THSD4: variants seen among roughly 807,000 people sequenced by gnomAD.
THSD4 encodes the protein thrombospondin type-1 domain-containing protein 4.
Under a neutral mutation model 119.0 loss-of-function variants are expected in THSD4, and 69 were observed. That is an observed-to-expected ratio of 0.58 (90% CI 0.48 to 0.71). The LOEUF is 0.71. THSD4 is among the 30% of genes least tolerant of loss of function. THSD4 has a pLI of 0.00. For synonymous variants in THSD4, 524 were observed against 540.4 expected (o/e 0.97, Z 0.42); for missense variants, 1,393 against 1,391.1 (o/e 1.00, Z -0.02).
intron 8 of THSD4, among the ~76,000 whole-genome samples, chr15:71,717,278 G>A (rs1438040089): frequency 1.3e-5 from 2 of 152,202 alleles, no homozygotes; most frequent in Non-Finnish European, 2.9e-5. Context: ...ACTGAGGTAG[G>A]TGAATGCCAT....
intron 7 of THSD4, among the ~76,000 whole-genome samples, chr15:71,518,879 T>C (rs1291844271): frequency 1.3e-5 from 2 of 152,070 alleles, no homozygotes; most frequent in Non-Finnish European, 2.9e-5. Flanking sequence ...GATTCCACAA[T>C]GAACAATAAA....
At chr15:71,209,856 C>T (rs145979420) in intron 3 of THSD4, among the ~76,000 whole-genome samples, 10 of 152,168 alleles carry the variant, frequency 6.6e-5, no homozygotes, top group African/African-American at 1.2e-4. Flanking sequence ...GTAAATTTCA[C>T]GAGAGCTGAT....
At chr15:71,305,062 G>A (rs553438909) in intron 6 of THSD4, among the ~76,000 whole-genome samples, 1 of 152,226 alleles carries the variant, frequency 6.6e-6, no homozygotes, top group Non-Finnish European at 1.5e-5. Context: ...CTGGTGAAAA[G>A]TGGGTACGTT....
At chr15:71,445,689 G>A (rs2047171314) in intron 7 of THSD4, among the ~76,000 whole-genome samples, 1 of 152,202 alleles carries the variant, frequency 6.6e-6, no homozygotes, top group African/African-American at 2.4e-5. Flanking sequence ...AAAGTAGACA[G>A]CTGAGTACCC....
intron 6 of THSD4, among the ~76,000 whole-genome samples, chr15:71,314,434 G>A (rs1308552757): frequency 6.6e-6 from 1 of 152,044 alleles, no homozygotes; most frequent in African/African-American, 2.4e-5. Flanking sequence ...AGCCTCCCAG[G>A]TAGCTGGGAT....
At chr15:71,468,223 G>C (rs1036216025) in intron 7 of THSD4, among the ~76,000 whole-genome samples, 1 of 152,184 alleles carries the variant, frequency 6.6e-6, no homozygotes, top group African/African-American at 2.4e-5. Context: ...GATGTGTCTT[G>C]CTTCCCCTTC....
At chr15:71,735,809 T>C (rs2053081264) in intron 10 of THSD4, among the ~76,000 whole-genome samples, 1 of 151,868 alleles carries the variant, frequency 6.6e-6, no homozygotes, top group African/African-American at 2.4e-5. Flanking sequence ...GCTTTCTGTC[T>C]CTATCTCTCT....
At position 71,747,165 on chromosome 15, in the gene THSD4, G is replaced by C. The variant is rs569086032; in HGVS notation, c.2241+123G>C. On this transcript the variant is annotated intron_variant, in intron 13 of 17. Transcript: ENST00000261862. ...TCCACAGGAGGGAACCCGTCCCGTGGGGGTCTGGACGGCTGTTTTTGCAAA... is the reference window on the plus strand; with the variant it reads ...TCCACAGGAGGGAACCCGTCCCGTGCGGGTCTGGACGGCTGTTTTTGCAAA... 485 of 1,183,044 alleles carry C rather than the reference G, an allele frequency of 4.1e-4. 6 individuals carry two copies. The South Asian group carries it at 6.6e-3, about 16-fold the overall frequency. The allele number at this position is 1,183,044 out of a possible 1,614,324, so 73.3% of individuals were successfully genotyped here.
intron 7 of THSD4, among the ~76,000 whole-genome samples, chr15:71,504,443 C>T (rs2048159713): frequency 6.6e-6 from 1 of 152,028 alleles, no homozygotes; most frequent in Admixed American, 6.5e-5. Flanking sequence ...TTAGAAGAAA[C>T]CATTTCAGAA....
rs1347797959 is a variant in THSD4, at chr15:71,778,190, C to T, written c.*816C>T. ...TGCTGCTTCATTTCTGACCAAGAGA[C>T]TGAGAAGTTTCCCAGAATGCAAACA... On this transcript the variant is annotated 3_prime_UTR_variant, in exon 18 of 18. Coordinates refer to ENST00000261862, the MANE Select transcript of THSD4 (RefSeq NM_024817.3). 6.6e-6 allele frequency: 1 copy of T among 152,272 alleles called. No homozygotes were observed. The highest frequency in any genetic ancestry group is 1.5e-5 in the Non-Finnish European group (1 of 68,106). 9.4% of individuals were successfully genotyped at this position (152,272 alleles called of 1,614,324 possible).
At chr15:71,422,961 G>A (rs920349841) in intron 7 of THSD4, among the ~76,000 whole-genome samples, 27 of 152,126 alleles carry the variant, frequency 1.8e-4, no homozygotes, top group Non-Finnish European at 3.7e-4. Context: ...TGTCCCCGTG[G>A]CCACCACCTC....
chr15:71,635,863 G>A (rs1595812866), intron 7 of THSD4, among the ~76,000 whole-genome samples: 1 of 152,164 alleles, frequency 6.6e-6, no homozygotes, highest in Non-Finnish European at 1.5e-5. Context: ...TGAAAACTTA[G>A]ATGTTATCAT....
chr15:71,555,325 C>A (rs908324809), intron 7 of THSD4, among the ~76,000 whole-genome samples: 8 of 152,130 alleles, frequency 5.3e-5, no homozygotes, highest in African/African-American at 1.9e-4. Context: ...CATTATCAGA[C>A]AGGTTAATTT....
intron 6 of THSD4, among the ~76,000 whole-genome samples, chr15:71,300,578 C>T (rs527508850): frequency 6.6e-6 from 1 of 152,290 alleles, no homozygotes; most frequent in East Asian, 1.9e-4. Flanking sequence ...AGCACATATT[C>T]TAGGCAGGGT....
chr15:71,352,970 T>G (rs2140408336), intron 6 of THSD4, among the ~76,000 whole-genome samples: 1 of 152,356 alleles, frequency 6.6e-6, no homozygotes, highest in Admixed American at 6.5e-5. Context: ...TCCTTGAGAC[T>G]GGTCCAGAGG....
At chr15:71,567,603 CACA>C (rs751701536) in intron 7 of THSD4, among the ~76,000 whole-genome samples, 3 of 137,604 alleles carry the variant, frequency 2.2e-5, no homozygotes, top group Admixed American at 7.8e-5. Flanking sequence ...GACACCCCCC[CACA>C]CACACACACA....
chr15:71,754,214 C>T (rs974249697), intron 14 of THSD4, among the ~76,000 whole-genome samples: 1 of 151,698 alleles, frequency 6.6e-6, no homozygotes, highest in African/African-American at 2.4e-5. Flanking sequence ...TTCAGCCTCC[C>T]AAGTAGCTGG....
intron 4 of THSD4, among the ~76,000 whole-genome samples, chr15:71,220,524 G>T (rs185159387): frequency 6.6e-6 from 1 of 152,098 alleles, no homozygotes; most frequent in South Asian, 2.1e-4. Flanking sequence ...TATCATGTGG[G>T]GTTGTTGAAT....
intron 7 of THSD4, among the ~76,000 whole-genome samples, chr15:71,632,247 G>T (rs1291489842): frequency 6.6e-6 from 1 of 152,104 alleles, no homozygotes; most frequent in East Asian, 1.9e-4. Flanking sequence ...TCCCATCTCT[G>T]TTGGCGTTGC....
Sources: allele counts gnomAD v4.1 joint callset (sites outside exome capture counted in the v4.1 genomes callset), GRCh38; gene constraint gnomAD v4.1.1; transcripts MANE v1.5; gene names NCBI Gene and HGNC (gene_info 2026-07-23, HGNC 2026-07-21).